The following BOC variants were observed in gnomAD, a reference collection of about 807,000 sequenced individuals.
BOC encodes brother of CDO.
A neutral mutation model predicts 112.0 loss-of-function variants in BOC; 76 were observed. The ratio of observed to expected loss-of-function variants is 0.68; its 90% CI spans 0.56 to 0.82. The LOEUF (loss-of-function observed/expected upper bound fraction) is 0.82. Among genes scored for constraint, BOC ranks in the 40% least tolerant of loss-of-function variants. The pLI is 0.00. For missense variants in BOC, 1,309 were observed against 1,511.7 expected (o/e 0.87, Z 2.22); for synonymous variants, 580 against 599.8 (o/e 0.97, Z 0.48).
In BOC at chr3:113,215,421, C is replaced by T. The variant is rs576011090; in HGVS notation, c.-169-766C>T. 8.0e-4 allele frequency among the ~76,000 whole-genome samples: 122 copies of T among 152,308 alleles called. 1 individual carries two copies. The highest frequency in any genetic ancestry group is 1.3e-3 in the Non-Finnish European group (91 of 68,026). On this transcript the variant is annotated intron_variant, in intron 1 of 19. Transcript: ENST00000682979. ...GAATCTAAGCTCTGCCTGTGAACTCCATTCACACTGACTCAAACCACTGAA... is the reference window on the plus strand; with the variant it reads ...GAATCTAAGCTCTGCCTGTGAACTCTATTCACACTGACTCAAACCACTGAA...
chr3:113,216,111 A>C (rs970637098), intron 1 of BOC, 76 bp from the exon 2 acceptor site: 1 of 392,720 alleles, frequency 2.5e-6, no homozygotes, highest in African/African-American at 2.1e-5. Context: ...GTTTATATCA[A>C]TGCACCTTGT....
chr3:113,231,121 G>A (rs72942470), intron 2 of BOC, among the ~76,000 whole-genome samples: 2,268 of 152,258 alleles, frequency 0.015, 50 homozygotes, highest in African/African-American at 0.051. Flanking sequence ...TATGGTTGAA[G>A]GGGTGGTTGG....
intron 2 of BOC, among the ~76,000 whole-genome samples, chr3:113,239,753 G>A (rs1213342715): frequency 6.6e-6 from 1 of 152,204 alleles, no homozygotes; most frequent in African/African-American, 2.4e-5. Flanking sequence ...GCTTCTCCGT[G>A]GTGCCCTCAG....
At chr3:113,214,100 A>C (rs1281578969) in intron 1 of BOC, among the ~76,000 whole-genome samples, 3 of 152,230 alleles carry the variant, frequency 2.0e-5, no homozygotes, top group Non-Finnish European at 4.4e-5. Context: ...AGGTTGCTAG[A>C]AGCCAGAATG....
chr3:113,252,821 G>A lies in BOC; in HGVS notation c.376+1988G>A, dbSNP rs1576420101. ...TGGAATCTGAGTGCCTGGCCTCGGG[G>A]AGCAGCCTGTGAGTGCTCAGGGAGG... On this transcript the variant is annotated intron_variant, in intron 4 of 19. Transcript: ENST00000682979. Among the ~76,000 whole-genome samples, 5 of 152,290 alleles carry A rather than the reference G, an allele frequency of 3.3e-5. No homozygotes were observed. The South Asian group carries it at 1.0e-3, about 32-fold the overall frequency.
intron 2 of BOC, among the ~76,000 whole-genome samples, chr3:113,237,385 T>G (rs926370038): frequency 6.6e-6 from 1 of 152,120 alleles, no homozygotes; most frequent in Non-Finnish European, 1.5e-5. Context: ...ACTTTCTTAT[T>G]TCTCCCTTTC....
intron 4 of BOC, among the ~76,000 whole-genome samples, chr3:113,258,547 C>T (rs1475125234): frequency 6.6e-6 from 1 of 152,200 alleles, no homozygotes; most frequent in African/African-American, 2.4e-5. Flanking sequence ...GCCATTCGCT[C>T]CAAATTGGAA....
intron 2 of BOC, among the ~76,000 whole-genome samples, chr3:113,218,687 C>T (rs1576314817): frequency 6.6e-6 from 1 of 152,354 alleles, no homozygotes; most frequent in African/African-American, 2.4e-5. Context: ...ATCCAATGTA[C>T]AGACTTCTGA....
intron 2 of BOC, among the ~76,000 whole-genome samples, chr3:113,242,875 G>A (rs991401613): frequency 4.6e-5 from 7 of 152,060 alleles, no homozygotes; most frequent in Non-Finnish European, 1.0e-4. Context: ...AAGCAATTCC[G>A]TTGGAGCACT....
intron 4 of BOC, among the ~76,000 whole-genome samples, chr3:113,264,888 G>A (rs1947298584): frequency 6.6e-6 from 1 of 152,220 alleles, no homozygotes; most frequent in African/African-American, 2.4e-5. Flanking sequence ...TTTGAAGCCA[G>A]GAAGGCTCGC....
intron 1 of BOC, among the ~76,000 whole-genome samples, chr3:113,213,498 CG>C (rs1265643334): frequency 1.3e-5 from 2 of 152,176 alleles, no homozygotes; most frequent in Non-Finnish European, 2.9e-5. Flanking sequence ...AATCAATCTT[CG>C]TTTTCTTAAG....
chr3:113,255,717 C>T (rs909789491), intron 4 of BOC, among the ~76,000 whole-genome samples: 1 of 152,196 alleles, frequency 6.6e-6, no homozygotes, highest in African/African-American at 2.4e-5. Flanking sequence ...ATGGTCCTGT[C>T]TCTGGCATCA....
At position 113,274,295 on chromosome 3, in the gene BOC, C is replaced by A; in HGVS notation, c.1235-80C>A. ...CCCAGGTTGCCTCTCTGTCTTCTTTCTGTTTTCTCCCCAGGAACAACAGCT... is the reference window on the plus strand; with the variant it reads ...CCCAGGTTGCCTCTCTGTCTTCTTTATGTTTTCTCCCCAGGAACAACAGCT... On this transcript the variant is annotated intron_variant, in intron 8 of 19. Transcript: ENST00000682979. The surrounding 1 kb of genome is among the most constrained non-coding windows in gnomAD (Gnocchi z 4.8). 7.2e-7 allele frequency: 1 copy of A among 1,384,962 alleles called. No homozygotes were observed. Among genetic ancestry groups the A allele is most frequent in the South Asian group, 1.6e-5 (1 of 62,564 alleles). 85.8% of individuals were successfully genotyped at this position (1,384,962 alleles called of 1,614,324 possible).
chr3:113,248,581 A>G (rs77270827), intron 2 of BOC, among the ~76,000 whole-genome samples: 1 of 152,296 alleles, frequency 6.6e-6, no homozygotes, highest in Non-Finnish European at 1.5e-5. Flanking sequence ...CCTGCCTAAT[A>G]AGGCTGTTGA....
intron 2 of BOC, among the ~76,000 whole-genome samples, chr3:113,236,036 A>G (rs559258301): frequency 6.6e-6 from 1 of 151,950 alleles, no homozygotes; most frequent in African/African-American, 2.4e-5. Context: ...TAGAAGTATC[A>G]TATGATCCAG....
At chr3:113,222,799 C>T (rs1049865367) in intron 2 of BOC, among the ~76,000 whole-genome samples, 9 of 152,322 alleles carry the variant, frequency 5.9e-5, no homozygotes, top group South Asian at 4.1e-4. Flanking sequence ...TCCACTTTGC[C>T]GCCCTCCTCC....
intron 2 of BOC, among the ~76,000 whole-genome samples, chr3:113,245,247 A>C (rs947118644): frequency 6.6e-6 from 1 of 152,032 alleles, no homozygotes; most frequent in South Asian, 2.1e-4. Flanking sequence ...TGTTTTGATA[A>C]GCTTTCTTTC....
chr3:113,269,315 A>G (rs1386128467), intron 5 of BOC: 1 of 152,274 alleles, frequency 6.6e-6, no homozygotes, highest in Non-Finnish European at 1.5e-5. Context: ...CTTGGTCCAC[A>G]GAATGCCAGA....
At chr3:113,268,507 C>T in intron 5 of BOC, 62 bp downstream of exon 5, 1 of 1,520,832 alleles carries the variant, frequency 6.6e-7, no homozygotes, top group Non-Finnish European at 9.0e-7. Context: ...CCTCCTCCAA[C>T]CGCTCGCTGC....
Sources: gnomAD v4.1 joint callset for allele counts (sites outside exome capture counted in the v4.1 genomes callset) on GRCh38, gnomAD v4.1.1 for gene constraint, Gnocchi (gnomAD v3.1) non-coding constraint, MANE v1.5 for transcripts, NCBI Gene and HGNC (gene_info 2026-07-23, HGNC 2026-07-21) for gene names.